Variants in UBAP2 observed in about 807,000 individuals in gnomAD.
UBAP2 encodes the protein ubiquitin-associated protein 2.
UBAP2 carries 75 observed loss-of-function variants against 139.6 expected under a neutral mutation model. The ratio of observed to expected loss-of-function variants is 0.54; its 90% CI spans 0.45 to 0.65. UBAP2 has a LOEUF of 0.65. UBAP2 is among the 30% of genes least tolerant of loss of function. UBAP2 has a pLI of 0.00. For synonymous variants in UBAP2, 526 were observed against 526.2 expected, an observed-to-expected ratio of 1.00 and a Z score of 0.01; for missense variants, 1,368 against 1,369.6, an observed-to-expected ratio of 1.00 and a Z score of 0.02.
At chr9:34,027,153 T>C (rs1825467175) in intron 1 of UBAP2, among the ~76,000 whole-genome samples, 1 of 84,564 alleles carries the variant, frequency 1.2e-5, no homozygotes, top group South Asian at 5.0e-4. Context: ...AATTCATTTA[T>C]TCATACCTGC....
At chr9:34,038,701 C>G (rs1430099340) in intron 1 of UBAP2, among the ~76,000 whole-genome samples, 2 of 152,118 alleles carry the variant, frequency 1.3e-5, no homozygotes, top group African/African-American at 2.4e-5. Flanking sequence ...TGCCCGGCCG[C>G]CACCCCGTCT....
intron 4 of UBAP2, chr9:33,994,566 G>A (rs1821990089): frequency 6.7e-6 from 1 of 150,168 alleles, no homozygotes; most frequent in Non-Finnish European, 1.5e-5. Flanking sequence ...TAGCGATAAG[G>A]TAAACAGATC....
chr9:34,002,082 G>A (rs184467251), intron 2 of UBAP2, among the ~76,000 whole-genome samples: 19 of 151,806 alleles, frequency 1.3e-4, no homozygotes, highest in Admixed American at 3.9e-4. Context: ...TCAGCCTCCT[G>A]AGTAGCAACC....
intron 6 of UBAP2, among the ~76,000 whole-genome samples, chr9:33,984,275 T>G (rs1280171743): frequency 6.6e-6 from 1 of 152,126 alleles, no homozygotes; most frequent in African/African-American, 2.4e-5. Flanking sequence ...CTAAGAAATT[T>G]GCAGGATGAT....
intron 1 of UBAP2, among the ~76,000 whole-genome samples, chr9:34,028,430 A>C (rs955049407): frequency 6.6e-6 from 1 of 150,988 alleles, no homozygotes; most frequent in African/African-American, 2.4e-5. Context: ...CCCAGGCTGG[A>C]GTGCAGTGGC....
intron 1 of UBAP2, among the ~76,000 whole-genome samples, chr9:34,018,756 A>G (rs944488310): frequency 6.6e-6 from 1 of 152,010 alleles, no homozygotes; most frequent in Non-Finnish European, 1.5e-5. Context: ...CCAGCTACTC[A>G]GGAGGCTGAG....
At chr9:33,977,560 G>A (rs1348017357) in intron 6 of UBAP2, among the ~76,000 whole-genome samples, 1 of 151,994 alleles carries the variant, frequency 6.6e-6, no homozygotes, top group Non-Finnish European at 1.5e-5. Context: ...CAAGTCCAAC[G>A]TTTCCAAAGA....
At chr9:33,967,693 T>C (rs1186509529) in intron 8 of UBAP2, among the ~76,000 whole-genome samples, 3 of 152,206 alleles carry the variant, frequency 2.0e-5, no homozygotes, top group Non-Finnish European at 4.4e-5. Context: ...TTCCAGATTT[T>C]ATATTAATTT....
chr9:33,944,358 TGCCCACCTTA>T lies in UBAP2; in HGVS notation c.1542_1545+6del. ...TTAGGACGGTGACTTCATGATGAAA[TGCCCACCTTA>T]GAAGCTGGGGGTATCCGCCGCTTAG... On this transcript the variant is annotated splice_donor_variant and splice_donor_5th_base_variant and coding_sequence_variant and intron_variant, in exon 14 of 29. Transcript: ENST00000379238. LOFTEE classifies it high-confidence loss of function. 6.2e-7 allele frequency: 1 copy of T among 1,608,948 alleles called. No homozygotes were observed. Among genetic ancestry groups the T allele is most frequent in the Non-Finnish European group, 8.5e-7 (1 of 1,175,728 alleles).
chr9:33,984,126 A>G (rs1821000414), intron 6 of UBAP2, among the ~76,000 whole-genome samples: 1 of 151,858 alleles, frequency 6.6e-6, no homozygotes, highest in African/African-American at 2.4e-5. Context: ...GTGGTCTCGA[A>G]CTACTAATGT....
intron 3 of UBAP2, 111 bp downstream of exon 3, chr9:33,998,676 G>T: frequency 1.1e-6 from 1 of 909,716 alleles, no homozygotes; most frequent in Non-Finnish European, 1.6e-6. Flanking sequence ...TTTCAGGTGA[G>T]ACTAGAAGCT....
At chr9:33,987,243 T>A (rs1248450486) in intron 5 of UBAP2, among the ~76,000 whole-genome samples, 1 of 151,988 alleles carries the variant, frequency 6.6e-6, no homozygotes, top group African/African-American at 2.4e-5. Context: ...AAACCCTGTC[T>A]CTACCAAAAA....
chr9:33,976,382 T>C (rs1485886770), intron 6 of UBAP2, among the ~76,000 whole-genome samples: 2 of 152,132 alleles, frequency 1.3e-5, no homozygotes, highest in Non-Finnish European at 2.9e-5. Context: ...CCCTTCAGGG[T>C]AAAGGCGATG....
At chr9:33,926,853 G>A in intron 21 of UBAP2, 136 bp downstream of exon 21, 1 of 988,888 alleles carries the variant, frequency 1.0e-6, no homozygotes, top group Non-Finnish European at 1.6e-6. Context: ...GGGCTCAGTG[G>A]GGCAGAGACG....
chr9:33,950,580 T>G (rs1826015285), intron 12 of UBAP2, among the ~76,000 whole-genome samples: 1 of 152,218 alleles, frequency 6.6e-6, no homozygotes, highest in Non-Finnish European at 1.5e-5. Context: ...CTAACATTAC[T>G]TATCACTGCT....
In UBAP2 at chr9:33,926,976, G is replaced by A. The variant is rs768650946; in HGVS notation, c.2463+13C>T. The A allele has an allele frequency of 7.4e-6, 12 of 1,612,836 alleles. No homozygotes were observed. The highest frequency in any genetic ancestry group is 2.7e-5 in the African/African-American group (2 of 74,886). On this transcript the variant is annotated intron_variant, in intron 21 of 28. Transcript: ENST00000379238. Reference sequence around the variant, plus strand: ...GGGAGCTGGGCAGGCCAGGAGTTCCGCCATACACTCACCGGGTAGGCAGGA... The same window carrying A: ...GGGAGCTGGGCAGGCCAGGAGTTCCACCATACACTCACCGGGTAGGCAGGA...
intron 1 of UBAP2, among the ~76,000 whole-genome samples, chr9:34,032,868 G>T (rs1184199916): frequency 2.0e-5 from 3 of 148,830 alleles, no homozygotes; most frequent in Non-Finnish European, 4.4e-5. Flanking sequence ...AGGTTGCAGT[G>T]AGCCGCCACT....
chr9:34,017,320 G>A, intron 1 of UBAP2, 131 bp from the exon 2 acceptor site: 2 of 466,594 alleles, frequency 4.3e-6, no homozygotes, highest in Non-Finnish European at 7.4e-6. Context: ...AGTAGCCCTT[G>A]AGGATTTTAC....
At chr9:33,996,486 T>C in intron 3 of UBAP2, 153 bp from the exon 4 acceptor site, 2 of 567,080 alleles carry the variant, frequency 3.5e-6, no homozygotes, top group South Asian at 2.4e-5. Flanking sequence ...TGTTTACTTA[T>C]TTTTTTGTGG....
Sources: gnomAD v4.1 joint callset for allele counts (sites outside exome capture counted in the v4.1 genomes callset) on GRCh38, gnomAD v4.1.1 for gene constraint, MANE v1.5 for transcripts, NCBI Gene and HGNC (gene_info 2026-07-23, HGNC 2026-07-21) for gene names.